Variants in USH2A observed in about 807,000 individuals in gnomAD.
The protein encoded by USH2A is Usher syndrome 2A (autosomal recessive, mild).
Under a neutral mutation model 538.9 loss-of-function variants are expected in USH2A, and 443 were observed. That is an observed-to-expected ratio of 0.82 (90% CI 0.76 to 0.89). USH2A has a LOEUF of 0.89. Among genes scored for constraint, USH2A ranks in the 40% least tolerant of loss-of-function variants. USH2A has a pLI of 0.00. For synonymous variants in USH2A, 2,413 were observed against 2,273.5 expected (o/e 1.06, Z -1.75); for missense variants, 6,633 against 6,324.8 (o/e 1.05, Z -1.65).
intron 39 of USH2A, 41 bp downstream of exon 39, chr1:215,900,714 G>A (rs1486515823): frequency 1.2e-6 from 2 of 1,612,664 alleles, no homozygotes; most frequent in Non-Finnish European, 1.7e-6. Flanking sequence ...TGTCTATATT[G>A]TATAACCCAG....
intron 61 of USH2A, among the ~76,000 whole-genome samples, chr1:215,722,563 T>C (rs1007720466): frequency 3.9e-5 from 6 of 152,202 alleles, no homozygotes; most frequent in African/African-American, 1.4e-4. Context: ...GGTAAAGATA[T>C]AGGAAACAAA....
chr1:216,021,778 A>T (rs1668850661), intron 32 of USH2A, among the ~76,000 whole-genome samples: 1 of 152,124 alleles, frequency 6.6e-6, no homozygotes, highest in Admixed American at 6.5e-5. Context: ...TGAGTGTAAG[A>T]TATATTTAGA....
intron 44 of USH2A, among the ~76,000 whole-genome samples, chr1:215,859,914 G>C (rs1398776446): frequency 6.6e-6 from 1 of 152,206 alleles, no homozygotes; most frequent in Non-Finnish European, 1.5e-5. Flanking sequence ...AGTTTTGGAA[G>C]ATGAGGCCTA....
intron 21 of USH2A, among the ~76,000 whole-genome samples, chr1:216,164,476 C>T (rs575743808): frequency 4.3e-4 from 65 of 152,034 alleles, no homozygotes; most frequent in African/African-American, 1.4e-3. Context: ...GTAATTGATC[C>T]ATGAGAAAAT....
intron 37 of USH2A, among the ~76,000 whole-genome samples, chr1:215,954,486 T>C (rs1234248505): frequency 6.8e-6 from 1 of 146,150 alleles, no homozygotes; most frequent in Admixed American, 7.1e-5. Flanking sequence ...ACACCGTATG[T>C]TCTCACTCAT....
chr1:216,068,148 TGCCTATGTAAACATG>T (rs1332286108), intron 30 of USH2A, among the ~76,000 whole-genome samples: 3 of 152,208 alleles, frequency 2.0e-5, no homozygotes, highest in Non-Finnish European at 1.5e-5. Context: ...AAGTGTTTTT[TGCCTATGTAAACATG>T]GCAGTTTTTG....
chr1:215,913,193 T>C (rs1665859482), intron 38 of USH2A, among the ~76,000 whole-genome samples: 1 of 152,090 alleles, frequency 6.6e-6, no homozygotes, highest in Admixed American at 6.6e-5. Context: ...AGGTGATGGG[T>C]GCATAATGAA....
chr1:216,373,169 A>G (rs2038746933), intron 3 of USH2A, among the ~76,000 whole-genome samples: 1 of 152,224 alleles, frequency 6.6e-6, no homozygotes, highest in Admixed American at 6.5e-5. Context: ...TATACTACAC[A>G]TAAGGGGTAT....
intron 20 of USH2A, among the ~76,000 whole-genome samples, chr1:216,183,716 A>G (rs918542118): frequency 6.6e-6 from 1 of 152,030 alleles, no homozygotes; most frequent in Non-Finnish European, 1.5e-5. Context: ...TGCATGATTC[A>G]TGGCAATCTG....
chr1:215,657,235 A>G (rs1262149557), intron 64 of USH2A, among the ~76,000 whole-genome samples: 2 of 152,242 alleles, frequency 1.3e-5, no homozygotes, highest in Admixed American at 1.3e-4. Context: ...CAATTCATCT[A>G]CAACCTTGGA....
chr1:216,265,006 G>A (rs1409653339), intron 11 of USH2A, among the ~76,000 whole-genome samples: 2 of 152,114 alleles, frequency 1.3e-5, no homozygotes, highest in Middle Eastern at 3.4e-3. Context: ...ATTGGTCTGG[G>A]CAAATGGAAT....
chr1:215,899,450 C>T (rs1056747421), intron 40 of USH2A, among the ~76,000 whole-genome samples: 4 of 152,148 alleles, frequency 2.6e-5, no homozygotes, highest in African/African-American at 9.7e-5. Flanking sequence ...TTGTATAAAA[C>T]CAAATGTTAT....
intron 21 of USH2A, chr1:216,174,947 A>G: frequency 1.7e-6 from 2 of 1,202,916 alleles, no homozygotes; most frequent in Non-Finnish European, 2.1e-6. Context: ...AGTGAATAAT[A>G]TTTCAAGAAA....
intron 61 of USH2A, among the ~76,000 whole-genome samples, chr1:215,709,719 T>TA (rs1157401942): frequency 6.6e-6 from 1 of 150,554 alleles, no homozygotes; most frequent in African/African-American, 2.4e-5. Flanking sequence ...CTATTATTGG[T>TA]AAAAATGATA....
intron 38 of USH2A, among the ~76,000 whole-genome samples, chr1:215,916,285 T>C (rs1382603132): frequency 6.6e-6 from 1 of 151,872 alleles, no homozygotes; most frequent in Admixed American, 6.6e-5. Flanking sequence ...TTGTCACTAG[T>C]GTAGTAGAAG....
chr1:215,888,933 G>A lies in USH2A; in HGVS notation c.7716C>T (p.Gly2572=), dbSNP rs753004944. ...TTCCAGGAGTTCTCAAGTATAGACG[G>A]CCATGTAGATAAATGTTATAATGGG... ...VITHYNIYLH[G]RLYLRTPGNV... The change falls in exon 41 of 72, where the codon GGC becomes GGT. Residue 2572 remains glycine, a synonymous_variant. Transcript: ENST00000307340. 6.2e-7 allele frequency: 1 copy of A among 1,614,128 alleles called. No individual in the cohort carries two copies. The highest frequency in any genetic ancestry group is 8.5e-7 in the Non-Finnish European group (1 of 1,180,008).
At chr1:216,010,880 G>T (rs4655292) in intron 32 of USH2A, among the ~76,000 whole-genome samples, 1 of 150,506 alleles carries the variant, frequency 6.6e-6, no homozygotes, top group African/African-American at 2.4e-5. Context: ...TGTATCCCCC[G>T]ACCTTAACCC....
chr1:215,860,084 A>C (rs1043804040), intron 44 of USH2A, among the ~76,000 whole-genome samples: 1 of 152,084 alleles, frequency 6.6e-6, no homozygotes, highest in African/African-American at 2.4e-5. Flanking sequence ...GCACATGTCC[A>C]CTCACCTTTT....
chr1:216,002,904 T>C (rs981925125), intron 32 of USH2A, among the ~76,000 whole-genome samples: 8 of 152,114 alleles, frequency 5.3e-5, no homozygotes, highest in African/African-American at 1.9e-4. Flanking sequence ...TATTATCACA[T>C]ATCGCAGTGT....
Sources: allele counts gnomAD v4.1 joint callset (sites outside exome capture counted in the v4.1 genomes callset), GRCh38; gene constraint gnomAD v4.1.1; transcripts MANE v1.5; gene names NCBI Gene and HGNC (gene_info 2026-07-23, HGNC 2026-07-21).